The following RASGRF2 variants were observed in gnomAD, a reference collection of about 807,000 sequenced individuals.
RASGRF2 encodes ras-specific guanine nucleotide-releasing factor 2.
Under a neutral mutation model 151.0 loss-of-function variants are expected in RASGRF2, and 76 were observed. The observed-to-expected ratio is 0.50, with a 90% confidence interval of 0.42 to 0.61. The LOEUF is 0.61. Among genes scored for constraint, RASGRF2 ranks in the 20% least tolerant of loss-of-function variants. RASGRF2 has a pLI of 0.00. For synonymous variants in RASGRF2, 504 were observed against 566.5 expected (o/e 0.89, Z 1.57); for missense variants, 1,148 against 1,564.6 (o/e 0.73, Z 4.49).
At chr5:81,090,641 T>G (rs1366200364) in intron 9 of RASGRF2, among the ~76,000 whole-genome samples, 1 of 152,170 alleles carries the variant, frequency 6.6e-6, no homozygotes, top group Non-Finnish European at 1.5e-5. Context: ...GTCTCCCTTC[T>G]ACTTGGATAT....
At chr5:80,970,127 C>T (rs1023020815) in intron 1 of RASGRF2, among the ~76,000 whole-genome samples, 6 of 152,170 alleles carry the variant, frequency 3.9e-5, no homozygotes, top group African/African-American at 1.4e-4. Context: ...GCCCTTTGCA[C>T]AGTTTTTCAA....
chr5:81,011,891 A>G (rs1186722846), intron 1 of RASGRF2, among the ~76,000 whole-genome samples: 1 of 152,162 alleles, frequency 6.6e-6, no homozygotes, highest in Non-Finnish European at 1.5e-5. Context: ...TAGACATTAT[A>G]TATATTTCTT....
At position 81,169,264 on chromosome 5, in the gene RASGRF2, C is replaced by G. The variant is rs150827060; in HGVS notation, c.2687-10911C>G. On this transcript the variant is annotated intron_variant, in intron 17 of 26. Coordinates refer to ENST00000265080, the MANE Select transcript of RASGRF2 (RefSeq NM_006909.3). The stretch of plus-strand genomic sequence containing the variant: ...GTGGAGCCATTCCTGATTCCTCTTT[C>G]CCTCAGACCTTAAATTCGTTTTTGT... Among the ~76,000 whole-genome samples, 16 of 152,326 alleles carry G rather than the reference C, an allele frequency of 1.1e-4. No homozygotes were observed. In the East Asian group the frequency reaches 3.1e-3, roughly 29 times the overall value.
intron 2 of RASGRF2, among the ~76,000 whole-genome samples, chr5:81,058,002 A>C (rs563129726): frequency 6.6e-6 from 1 of 151,480 alleles, no homozygotes; most frequent in African/African-American, 2.4e-5. Context: ...CCTCAAAAAT[A>C]ATTAATTAAT....
intron 17 of RASGRF2, among the ~76,000 whole-genome samples, chr5:81,175,480 G>A (rs1329067329): frequency 7.2e-5 from 11 of 152,126 alleles, no homozygotes; most frequent in African/African-American, 2.2e-4. Flanking sequence ...GGGGCTGGGC[G>A]CAGTGGCTCA....
chr5:81,092,810 T>C lies in RASGRF2; in HGVS notation c.1400T>C (p.Ile467Thr), dbSNP rs1383439051. 1 of 1,612,442 alleles carries C rather than the reference T, an allele frequency of 6.2e-7. No individual in the cohort carries two copies. Among genetic ancestry groups the C allele is most frequent in the South Asian group, 1.1e-5 (1 of 90,732 alleles). Residue 467 changes from isoleucine (I) to threonine (T), a missense_variant, in exon 10 of 27, where the codon ATT (isoleucine) becomes ACT (threonine). By Grantham distance (89) the Ile-to-Thr change is moderately conservative. Coordinates refer to ENST00000265080, the MANE Select transcript of RASGRF2 (RefSeq NM_006909.3). ...TTTTTGTAATCACCAGGTTCTCTTA[T>C]TCAAGTACCTTCCGTTGAGAGGGGG... ...SQTFIRQGSL[I>T]QVPSVERGKL... is the part of the protein sequence containing the mutation.
chr5:81,138,766 GT>G (rs70994422), intron 17 of RASGRF2, among the ~76,000 whole-genome samples: 86,641 of 149,010 alleles, frequency 0.58, 26,923 homozygotes, highest in East Asian at 0.81. Context: ...GGATGTGCTT[GT>G]TTTTTTTTTT....
At chr5:80,972,025 G>A (rs1404232947) in intron 1 of RASGRF2, among the ~76,000 whole-genome samples, 2 of 152,118 alleles carry the variant, frequency 1.3e-5, no homozygotes, top group Non-Finnish European at 2.9e-5. Context: ...ATGAGCCACT[G>A]TGCCTGGCCC....
At chr5:81,204,870 A>C (rs930124077) in intron 19 of RASGRF2, among the ~76,000 whole-genome samples, 82 of 152,304 alleles carry the variant, frequency 5.4e-4, no homozygotes, top group Non-Finnish European at 7.3e-5. Flanking sequence ...GAAGAGGAAC[A>C]TTTGATGGGA....
intron 1 of RASGRF2, among the ~76,000 whole-genome samples, chr5:80,996,576 C>T (rs1748888768): frequency 1.3e-5 from 1 of 78,438 alleles, no homozygotes; most frequent in Admixed American, 1.5e-4. Context: ...CCCTCCTCCT[C>T]CTCCCCCTCC....
intron 15 of RASGRF2, among the ~76,000 whole-genome samples, chr5:81,118,143 C>T (rs1451158235): frequency 6.6e-6 from 1 of 152,246 alleles, no homozygotes; most frequent in African/African-American, 2.4e-5. Context: ...CTCATGGCTC[C>T]ACTAGGCATT....
intron 17 of RASGRF2, among the ~76,000 whole-genome samples, chr5:81,171,164 A>G (rs1050254234): frequency 6.6e-6 from 1 of 152,162 alleles, no homozygotes; most frequent in African/African-American, 2.4e-5. Context: ...CTCTCCTTGC[A>G]TACGCAGGCG....
chr5:81,013,886 C>A (rs1306350404), intron 1 of RASGRF2, among the ~76,000 whole-genome samples: 4 of 151,962 alleles, frequency 2.6e-5, no homozygotes, highest in African/African-American at 9.7e-5. Context: ...ATCATAGTAC[C>A]CTGTCTGATG....
chr5:81,185,809 T>C (rs894874542), intron 18 of RASGRF2, among the ~76,000 whole-genome samples: 2 of 152,224 alleles, frequency 1.3e-5, no homozygotes, highest in African/African-American at 4.8e-5. Flanking sequence ...AGAGGGAGGC[T>C]GGACTGAAGT....
intron 23 of RASGRF2, among the ~76,000 whole-genome samples, chr5:81,214,679 T>G (rs1755696295): frequency 6.6e-6 from 1 of 152,210 alleles, no homozygotes; most frequent in African/African-American, 2.4e-5. Flanking sequence ...ACAAAGTAGT[T>G]TGAGGACCCT....
intron 17 of RASGRF2, among the ~76,000 whole-genome samples, chr5:81,141,377 C>T (rs1213829120): frequency 6.6e-6 from 1 of 152,190 alleles, no homozygotes; most frequent in African/African-American, 2.4e-5. Context: ...GCCTCCCTCA[C>T]TATGTCATCC....
At chr5:81,189,452 A>G (rs527875531) in intron 18 of RASGRF2, among the ~76,000 whole-genome samples, 1 of 151,928 alleles carries the variant, frequency 6.6e-6, no homozygotes, top group East Asian at 1.9e-4. Context: ...AGCCTTGCAA[A>G]TGGTGTTTTA....
intron 1 of RASGRF2, among the ~76,000 whole-genome samples, chr5:80,974,075 T>C (rs1748031423): frequency 1.3e-5 from 2 of 151,632 alleles, no homozygotes; most frequent in African/African-American, 2.4e-5. Context: ...TTGGCAGGAG[T>C]CACAAGTCTG....
rs192257370 is a variant in RASGRF2, at chr5:81,113,278, G to A, written c.2088-260G>A. 3.8e-4 allele frequency: 209 copies of A among 544,408 alleles called. 2 individuals are homozygous for A. Among genetic ancestry groups the A allele is most frequent in the African/African-American group, 3.3e-3 (177 of 52,986 alleles). 33.7% of individuals were successfully genotyped at this position (544,408 alleles called of 1,614,324 possible). A position where few individuals can be genotyped will look rare whatever the true frequency, so the allele number is the denominator to read the frequency against. On this transcript the variant is annotated intron_variant, in intron 14 of 26. Coordinates refer to ENST00000265080, the MANE Select transcript of RASGRF2 (RefSeq NM_006909.3). ...CTGGTGTGGAGCCTGAGTTCTGAAC[G>A]TCTAACAAGCTCCCCAGAGATCTCA...
Sources: allele counts gnomAD v4.1 joint callset (sites outside exome capture counted in the v4.1 genomes callset), GRCh38; gene constraint gnomAD v4.1.1; transcripts MANE v1.5; gene names NCBI Gene and HGNC (gene_info 2026-07-23, HGNC 2026-07-21).